Variants in DBT observed in about 807,000 individuals in gnomAD.
DBT encodes the protein dihydrolipoamide branched chain transacylase E2.
Under a neutral mutation model 51.3 loss-of-function variants are expected in DBT, and 40 were observed. The observed-to-expected ratio is 0.78, with a 90% CI of 0.61 to 1.02. DBT has a LOEUF of 1.02. DBT is among the 50% of genes least tolerant of loss of function. The pLI is 0.00. For synonymous variants in DBT, 181 were observed against 190.4 expected (o/e 0.95, Z 0.41); for missense variants, 510 against 580.2 (o/e 0.88, Z 1.24).
At chr1:100,204,157 C>A (rs968888697) in intron 10 of DBT, among the ~76,000 whole-genome samples, 1 of 152,186 alleles carries the variant, frequency 6.6e-6, no homozygotes, top group Admixed American at 6.5e-5. Flanking sequence ...GAGAGGAAGT[C>A]AAATTATCTC....
At position 100,219,089 on chromosome 1, in the gene DBT, C is replaced by T. The variant is rs191429746; in HGVS notation, c.434-342G>A. Among the ~76,000 whole-genome samples, 231 of 152,236 alleles carry T rather than the reference C, an allele frequency of 1.5e-3. 2 individuals carry two copies. In the Middle Eastern group the frequency reaches 0.048, roughly 31 times the overall value. On this transcript the variant is annotated intron_variant, in intron 4 of 10. Transcript: ENST00000370132. ...TGTTGTGGCTAGGTACAGTGGCTCACGCCTGCAATCCCAGCAATTTGGGAG... is the reference window on the plus strand; with the variant it reads ...TGTTGTGGCTAGGTACAGTGGCTCATGCCTGCAATCCCAGCAATTTGGGAG...
chr1:100,204,016 G>C (rs996009617), intron 10 of DBT, among the ~76,000 whole-genome samples: 2 of 152,154 alleles, frequency 1.3e-5, no homozygotes, highest in Non-Finnish European at 2.9e-5. Context: ...GCAAAAGCTG[G>C]AAGCATTCCC....
chr1:100,215,597 G>C (rs968241709), intron 6 of DBT, among the ~76,000 whole-genome samples: 1 of 152,238 alleles, frequency 6.6e-6, no homozygotes, highest in Non-Finnish European at 1.5e-5. Context: ...GAGGAGGGTG[G>C]ATCACCTGAG....
At chr1:100,247,697 C>CAAAAA (rs59843533) in intron 1 of DBT, among the ~76,000 whole-genome samples, 19 of 107,820 alleles carry the variant, frequency 1.8e-4, no homozygotes, top group South Asian at 1.4e-3. Flanking sequence ...AGACTCTTCT[C>CAAAAA]AAAAAAAAAA....
At chr1:100,242,208 T>TA (rs540006586) in intron 1 of DBT, among the ~76,000 whole-genome samples, 26 of 148,004 alleles carry the variant, frequency 1.8e-4, no homozygotes, top group African/African-American at 2.0e-4. Context: ...CACTTTTACT[T>TA]AAAAAAAAAA....
At chr1:100,241,922 G>A (rs1170097527) in intron 1 of DBT, among the ~76,000 whole-genome samples, 1 of 152,064 alleles carries the variant, frequency 6.6e-6, no homozygotes, top group African/African-American at 2.4e-5. Context: ...TTGGGAGGCT[G>A]AGGCAGGAGA....
At position 100,187,897 on chromosome 1, in the gene DBT, C is replaced by T. The variant is rs1255470216; in HGVS notation, c.*8358G>A. 3.9e-5 allele frequency: 6 copies of T among 152,128 alleles called. No individual in the cohort carries two copies. Among genetic ancestry groups the T allele is most frequent in the Non-Finnish European group, 8.8e-5 (6 of 68,020 alleles). 9.4% of individuals were successfully genotyped at this position (152,128 alleles called of 1,614,324 possible). ...GAAAGTATGACAATCTGAAAATCAACATTTTACAGAAGTGACACCATTCTG... is the reference window on the plus strand; with the variant it reads ...GAAAGTATGACAATCTGAAAATCAATATTTTACAGAAGTGACACCATTCTG... On this transcript the variant is annotated 3_prime_UTR_variant, in exon 11 of 11. Transcript: ENST00000370132.
At chr1:100,219,642 G>C (rs1051332155) in intron 4 of DBT, among the ~76,000 whole-genome samples, 3 of 152,028 alleles carry the variant, frequency 2.0e-5, no homozygotes, top group African/African-American at 7.3e-5. Flanking sequence ...AAGCTACACA[G>C]GAAGCTGAGG....
intron 1 of DBT, among the ~76,000 whole-genome samples, chr1:100,248,391 T>C (rs886466839): frequency 3.3e-5 from 5 of 152,216 alleles, no homozygotes; most frequent in African/African-American, 1.2e-4. Context: ...GTTGGGTTTT[T>C]AATTGCAGCT....
At position 100,234,393 on chromosome 1, in the gene DBT, C is replaced by T. The variant is rs76519835; in HGVS notation, c.251+1043G>A. ...GCTCATGCCTGTAATCCCAACACTT[C>T]GGAAGGCCCAGGTGGGAAGATCACT... On this transcript the variant is annotated intron_variant, in intron 3 of 10. Coordinates refer to ENST00000370132, the MANE Select transcript of DBT (RefSeq NM_001918.5). 8.8e-3 allele frequency among the ~76,000 whole-genome samples: 1,332 copies of T among 151,374 alleles called. 22 individuals carry two copies. Among genetic ancestry groups the T allele is most frequent in the African/African-American group, 0.031 (1,287 of 41,214 alleles).
At chr1:100,218,774 A>G (rs764699299) in intron 4 of DBT, 27 bp from the exon 5 acceptor site, 11 of 1,611,546 alleles carry the variant, frequency 6.8e-6, no homozygotes, top group Non-Finnish European at 9.3e-6. Flanking sequence ...ACTTAACTTC[A>G]GTTGAAAAAA....
intron 7 of DBT, chr1:100,211,051 C>T (rs1662107942): frequency 1.3e-6 from 1 of 775,146 alleles, no homozygotes; most frequent in East Asian, 2.4e-5. Flanking sequence ...AGCCAAAGTT[C>T]CAAAGAAAAT....
In DBT at chr1:100,194,336, T is replaced by TG. The variant is rs1660969013; in HGVS notation, c.*1918dup. 6.6e-6 allele frequency: 1 copy of TG among 151,328 alleles called. No individual in the cohort carries two copies. Among genetic ancestry groups the TG allele is most frequent in the East Asian group, 1.9e-4 (1 of 5,166 alleles). The allele number at this position is 151,328 out of a possible 1,614,324, so 9.4% of individuals were successfully genotyped here. Reference sequence around the variant, plus strand: ...GTGCACACCACCACACTTGGCTTTTTGGTTTTTTTTTTTTTTTCTGAGACA... The same window carrying TG: ...GTGCACACCACCACACTTGGCTTTTTGGGTTTTTTTTTTTTTTTCTGAGACA... On this transcript the variant is annotated 3_prime_UTR_variant, in exon 11 of 11. Transcript: ENST00000370132.
At chr1:100,215,927 G>T in intron 6 of DBT, 56 bp downstream of exon 6, 1 of 1,044,486 alleles carries the variant, frequency 9.6e-7, no homozygotes, top group Non-Finnish European at 1.5e-6. Flanking sequence ...TACTGAGGTA[G>T]CTTCCCCCAA....
At chr1:100,245,312 A>C (rs1048490633) in intron 1 of DBT, among the ~76,000 whole-genome samples, 3 of 151,706 alleles carry the variant, frequency 2.0e-5, no homozygotes, top group African/African-American at 7.3e-5. Context: ...AGTCTCCCAG[A>C]ATGCTAGGAT....
intron 1 of DBT, among the ~76,000 whole-genome samples, chr1:100,244,009 ATAG>A (rs1664388204): frequency 6.7e-6 from 1 of 148,410 alleles, no homozygotes; most frequent in Non-Finnish European, 1.5e-5. Context: ...ACAGTGGTTC[ATAG>A]CTGTAATCTC....
chr1:100,238,322 C>CCTCCG (rs1472240435), intron 2 of DBT, among the ~76,000 whole-genome samples: 1 of 141,488 alleles, frequency 7.1e-6, no homozygotes, highest in Admixed American at 7.1e-5. Flanking sequence ...TTCTAGCTTC[C>CCTCCG]CTCCCCTCCC....
intron 1 of DBT, among the ~76,000 whole-genome samples, chr1:100,244,044 CAAGAGCAA>C (rs1664390779): frequency 1.4e-5 from 1 of 73,540 alleles, no homozygotes; most frequent in African/African-American, 5.3e-5. Flanking sequence ...GCCTAGGCAA[CAAGAGCAA>C]AATTCTATCT....
intron 3 of DBT, among the ~76,000 whole-genome samples, chr1:100,232,936 G>C (rs1046180135): frequency 6.6e-6 from 1 of 151,998 alleles, no homozygotes; most frequent in African/African-American, 2.4e-5. Flanking sequence ...GTAATCCTCA[G>C]GGCAACCACA....
Sources: allele counts gnomAD v4.1 joint callset (sites outside exome capture counted in the v4.1 genomes callset), GRCh38; gene constraint gnomAD v4.1.1; transcripts MANE v1.5; gene names NCBI Gene and HGNC (gene_info 2026-07-23, HGNC 2026-07-21).